GLCE: variants seen among roughly 807,000 people sequenced by gnomAD.
The protein encoded by GLCE is D-glucuronyl C5-epimerase.
In GLCE, 19 loss-of-function variants were observed where a neutral mutation model predicts 47.9. The ratio of observed to expected loss-of-function variants is 0.40; its 90% CI spans 0.28 to 0.58. GLCE has a LOEUF of 0.58. GLCE is among the 20% of genes least tolerant of loss of function. GLCE has a pLI of 0.48. For synonymous variants in GLCE, 245 were observed against 263.4 expected (o/e 0.93, Z 0.68); for missense variants, 556 against 743.3 (o/e 0.75, Z 2.93).
chr15:69,265,603 GTTACA>G, intron 4 of GLCE, among the ~76,000 whole-genome samples: 1 of 152,230 alleles, frequency 6.6e-6, no homozygotes, highest in East Asian at 1.9e-4. Context: ...TTTTTAAAAG[GTTACA>G]TCCCTTGACA....
intron 1 of GLCE, among the ~76,000 whole-genome samples, chr15:69,195,024 G>GTAGC (rs1186581193): frequency 2.0e-5 from 3 of 152,102 alleles, no homozygotes; most frequent in African/African-American, 7.2e-5. Context: ...TGAACTGCTT[G>GTAGC]TAGCTCTGTG....
chr15:69,205,103 A>G (rs1478744543), intron 1 of GLCE, among the ~76,000 whole-genome samples: 1 of 152,064 alleles, frequency 6.6e-6, no homozygotes, highest in East Asian at 1.9e-4. Context: ...CACAGTCAAT[A>G]TCCAGAATAG....
intron 2 of GLCE, among the ~76,000 whole-genome samples, chr15:69,253,256 G>C (rs1331905207): frequency 6.6e-6 from 1 of 152,200 alleles, no homozygotes; most frequent in Non-Finnish European, 1.5e-5. Context: ...AGTGTGTGCT[G>C]TGTTCGTGTA....
intron 1 of GLCE, among the ~76,000 whole-genome samples, chr15:69,183,627 A>G (rs778920746): frequency 4.6e-5 from 7 of 152,236 alleles, no homozygotes; most frequent in African/African-American, 1.7e-4. Flanking sequence ...CTGTCAAACA[A>G]TTGTGTATCA....
At chr15:69,233,005 GT>G (rs1487924438) in intron 2 of GLCE, among the ~76,000 whole-genome samples, 3 of 152,120 alleles carry the variant, frequency 2.0e-5, no homozygotes, top group African/African-American at 7.2e-5. Flanking sequence ...TTGAGAAACA[GT>G]TTTCTAACAG....
chr15:69,207,227 C>A (rs950066078), intron 1 of GLCE, among the ~76,000 whole-genome samples: 11 of 152,218 alleles, frequency 7.2e-5, no homozygotes, highest in Admixed American at 6.6e-4. Flanking sequence ...TGCATTCTAT[C>A]TTAAAATTCC....
chr15:69,246,053 A>T (rs927412885), intron 2 of GLCE, among the ~76,000 whole-genome samples: 10 of 152,276 alleles, frequency 6.6e-5, no homozygotes, highest in African/African-American at 2.2e-4. Context: ...TGTTCATGGC[A>T]TCTTCACCGG....
In GLCE at chr15:69,268,470, A is replaced by G. The variant is rs768434886; in HGVS notation, c.1080A>G (p.Lys360=). 1.9e-6 allele frequency: 3 copies of G among 1,614,068 alleles called. No individual in the cohort carries two copies. In the African/African-American group the frequency reaches 4.0e-5, roughly 22 times the overall value. Residue 360 remains lysine, a synonymous_variant, in exon 5 of 5, where the codon AAA becomes AAG. Transcript: ENST00000261858. The stretch of plus-strand genomic sequence containing the variant: ...GGGACCTGGTCACTGACCTCAGGAA[A>G]GGAGTGGGTCTTTCAAACACAAAAG... ...VTRDLVTDLR[K]GVGLSNTKAV...
At chr15:69,228,160 A>G (rs778550021) in intron 2 of GLCE, among the ~76,000 whole-genome samples, 10 of 152,250 alleles carry the variant, frequency 6.6e-5, no homozygotes, top group Non-Finnish European at 7.4e-5. Flanking sequence ...TTTATTTTCT[A>G]TGTATCTTCT....
intron 1 of GLCE, among the ~76,000 whole-genome samples, chr15:69,179,214 G>T (rs539209752): frequency 1.3e-5 from 2 of 152,316 alleles, no homozygotes; most frequent in South Asian, 4.1e-4. Context: ...TATGACTGTG[G>T]TTGGGTTTGG....
chr15:69,230,601 C>G (rs554545388), intron 2 of GLCE, among the ~76,000 whole-genome samples: 1 of 152,176 alleles, frequency 6.6e-6, no homozygotes, highest in East Asian at 1.9e-4. Flanking sequence ...GGGAGTTGCT[C>G]TCTCATTAGC....
chr15:69,201,740 A>G (rs1404583230), intron 1 of GLCE, among the ~76,000 whole-genome samples: 3 of 151,544 alleles, frequency 2.0e-5, no homozygotes, highest in African/African-American at 7.3e-5. Context: ...GCAGTGAGGA[A>G]TTTTGAGTTC....
chr15:69,258,419 TTAACA>T (rs1237428996), intron 3 of GLCE, among the ~76,000 whole-genome samples: 1 of 152,242 alleles, frequency 6.6e-6, no homozygotes, highest in Non-Finnish European at 1.5e-5. Flanking sequence ...TATTTTCTAC[TTAACA>T]TGTTTCAACT....
In GLCE at chr15:69,256,386, G is replaced by A. The variant is rs776828150; in HGVS notation, c.580G>A (p.Val194Ile). Residue 194 changes from valine to isoleucine, a missense_variant, in exon 3 of 5, where the codon GTT becomes ATT. Val to Ile is a conservative substitution (Grantham distance 29, BLOSUM62 3). This residue lies in a region of GLCE where 237 missense variants were observed against 310.9 expected (regional missense o/e 0.76). Coordinates refer to ENST00000261858, the MANE Select transcript of GLCE (RefSeq NM_015554.3). ...VRDRVKCISG[V>I]EGVPLSTQWG... is the part of the protein sequence containing the mutation. ...AGACAGAGTCAAGTGCATAAGTGGG[G>A]TTGAAGGTTGGTATCTGTCTGCTTC... 6.2e-7 allele frequency: 1 copy of A among 1,603,556 alleles called. No homozygotes were observed. The highest frequency in any genetic ancestry group is 1.1e-5 in the South Asian group (1 of 90,890).
At chr15:69,232,778 C>G (rs943666802) in intron 2 of GLCE, among the ~76,000 whole-genome samples, 1 of 152,028 alleles carries the variant, frequency 6.6e-6, no homozygotes, top group Non-Finnish European at 1.5e-5. Context: ...AAATAGAAAA[C>G]AAGGGGGAAA....
chr15:69,268,836 G>A lies in GLCE; in HGVS notation c.1446G>A (p.Glu482=). 1.2e-6 allele frequency: 2 copies of A among 1,614,192 alleles called. No homozygotes were observed. The highest frequency in any genetic ancestry group is 1.7e-6 in the Non-Finnish European group (2 of 1,180,002). ...RATAPYKFLS[E]QHGVKAVFMN... is the part of the protein sequence containing the mutation. Reference sequence around the variant, plus strand: ...CAGCCCCTTATAAGTTTCTATCTGAGCAGCATGGAGTTAAAGCTGTGTTTA... The same window carrying A: ...CAGCCCCTTATAAGTTTCTATCTGAACAGCATGGAGTTAAAGCTGTGTTTA... The change falls in exon 5 of 5, where the codon GAG becomes GAA. Residue 482 remains glutamate, a synonymous_variant. Coordinates refer to ENST00000261858, the MANE Select transcript of GLCE (RefSeq NM_015554.3).
At chr15:69,223,649 T>C (rs1247171907) in intron 2 of GLCE, among the ~76,000 whole-genome samples, 1 of 152,240 alleles carries the variant, frequency 6.6e-6, no homozygotes, top group African/African-American at 2.4e-5. Flanking sequence ...TCATTATTCA[T>C]GTGATCTCTT....
chr15:69,200,160 T>G (rs1014934254), intron 1 of GLCE, among the ~76,000 whole-genome samples: 1 of 152,154 alleles, frequency 6.6e-6, no homozygotes. Flanking sequence ...GGAGAAAGTT[T>G]CGTGCCATCT....
At chr15:69,215,631 C>T (rs1566958392) in intron 2 of GLCE, among the ~76,000 whole-genome samples, 4 of 148,740 alleles carry the variant, frequency 2.7e-5, no homozygotes, top group Admixed American at 1.3e-4. Flanking sequence ...GATTATGGGC[C>T]TTATCTTAAG....
Sources: gnomAD v4.1 joint callset for allele counts (sites outside exome capture counted in the v4.1 genomes callset) on GRCh38, gnomAD v4.1.1 for gene constraint, gnomAD v4.1.1 regional missense constraint, MANE v1.5 for transcripts, NCBI Gene and HGNC (gene_info 2026-07-23, HGNC 2026-07-21) for gene names.